The following NOX3 variants were observed in gnomAD, a reference collection of about 807,000 sequenced individuals.
NOX3 encodes NADPH oxidase catalytic subunit-like 3.
A neutral mutation model predicts 76.7 loss-of-function variants in NOX3; 74 were observed. The ratio of observed to expected loss-of-function variants is 0.96; its 90% CI spans 0.80 to 1.17. The LOEUF is 1.17. Among genes scored for constraint, NOX3 ranks in the 50% most tolerant of loss-of-function variants. NOX3 has a pLI of 0.00. For synonymous variants in NOX3, 263 were observed against 261.1 expected (o/e 1.01, Z -0.07); for missense variants, 695 against 703.3 (o/e 0.99, Z 0.13).
intron 9 of NOX3, among the ~76,000 whole-genome samples, chr6:155,427,441 T>C (rs1236378490): frequency 6.6e-6 from 1 of 152,228 alleles, no homozygotes; most frequent in African/African-American, 2.4e-5. Context: ...AGAATCCATA[T>C]TGGCCCCAGG....
chr6:155,416,744 C>CTTTTTTTTTTTTTTTTTTTTTTTTT (rs534711414), intron 10 of NOX3, among the ~76,000 whole-genome samples: 5 of 92,534 alleles, frequency 5.4e-5, no homozygotes, highest in African/African-American at 2.1e-4. Flanking sequence ...CTGAAACATT[C>CTTTTTTTTTTTTTTTTTTTTTTTTT]TTTTTTTTTT....
At chr6:155,449,769 G>A (rs371591863) in intron 4 of NOX3, among the ~76,000 whole-genome samples, 1 of 152,102 alleles carries the variant, frequency 6.6e-6, no homozygotes, top group African/African-American at 2.4e-5. Context: ...CGATGTGGTC[G>A]CACTTTTTCC....
chr6:155,440,315 C>T (rs999002745), intron 5 of NOX3, among the ~76,000 whole-genome samples, 178 bp from the exon 6 acceptor site: 1 of 151,914 alleles, frequency 6.6e-6, no homozygotes, highest in African/African-American at 2.4e-5. Context: ...GCAGGTGCAA[C>T]TCAAGAAGCG....
intron 5 of NOX3, among the ~76,000 whole-genome samples, chr6:155,442,157 AG>A (rs1777001138): frequency 6.6e-6 from 1 of 152,088 alleles, no homozygotes; most frequent in Non-Finnish European, 1.5e-5. Context: ...CCAGCTACTC[AG>A]GAGGCTGAGG....
intron 5 of NOX3, among the ~76,000 whole-genome samples, chr6:155,442,030 C>T (rs75015739): frequency 3.3e-5 from 5 of 152,056 alleles, no homozygotes; most frequent in South Asian, 2.1e-4. Context: ...TTTGGGAGGC[C>T]GAGGTGGGCG....
rs78997501 is a variant in NOX3, at chr6:155,443,569, C to T, written c.341-151G>A. On this transcript the variant is annotated intron_variant, in intron 4 of 13. Transcript: ENST00000159060. ...ATGTATTTACACATCTTTCCCAGTG[C>T]TTTGAGTGGAGTGGATTGAATACTT... 5,932 of 874,450 alleles carry T rather than the reference C, an allele frequency of 6.8e-3. 267 individuals are homozygous for T. In the African/African-American group the frequency reaches 0.091, roughly 13 times the overall value. 54.2% of individuals were successfully genotyped at this position (874,450 alleles called of 1,614,324 possible).
At chr6:155,409,679 G>T (rs901019778) in intron 11 of NOX3, among the ~76,000 whole-genome samples, 1 of 152,024 alleles carries the variant, frequency 6.6e-6, no homozygotes, top group Non-Finnish European at 1.5e-5. Context: ...ATTCTTTCCC[G>T]ACAGAATGCA....
chr6:155,400,920 A>G (rs1405096564), intron 12 of NOX3, among the ~76,000 whole-genome samples: 1 of 152,114 alleles, frequency 6.6e-6, no homozygotes, highest in Non-Finnish European at 1.5e-5. Context: ...TGCATAGATA[A>G]AGTTGCTTAT....
At chr6:155,405,033 CA>C (rs1373124797) in intron 12 of NOX3, among the ~76,000 whole-genome samples, 2 of 151,980 alleles carry the variant, frequency 1.3e-5, no homozygotes, top group African/African-American at 4.8e-5. Flanking sequence ...AAGGAGCAGC[CA>C]AAATGACCAT....
chr6:155,396,374 T>C (rs1438220168), intron 13 of NOX3, among the ~76,000 whole-genome samples: 4 of 152,070 alleles, frequency 2.6e-5, no homozygotes, highest in African/African-American at 9.7e-5. Context: ...TTTGAAATGA[T>C]TTCTAAAGGA....
At chr6:155,413,479 C>G (rs1776580955) in intron 10 of NOX3, among the ~76,000 whole-genome samples, 1 of 151,696 alleles carries the variant, frequency 6.6e-6, no homozygotes, top group South Asian at 2.1e-4. Flanking sequence ...CAGGATCTCT[C>G]TGGCTGCTGT....
At chr6:155,405,041 C>A (rs868051843) in intron 12 of NOX3, among the ~76,000 whole-genome samples, 1 of 152,050 alleles carries the variant, frequency 6.6e-6, no homozygotes, top group South Asian at 2.1e-4. Context: ...GCCAAAATGA[C>A]CATAAGATAA....
intron 9 of NOX3, among the ~76,000 whole-genome samples, chr6:155,427,246 T>C (rs1776770147): frequency 6.6e-6 from 1 of 152,160 alleles, no homozygotes; most frequent in South Asian, 2.1e-4. Flanking sequence ...TCAGGACCAG[T>C]GTCTGAAAGG....
At position 155,431,413 on chromosome 6, in the gene NOX3, AAC is replaced by A. The variant is rs61041630; in HGVS notation, c.799-480_799-479del. Among the ~76,000 whole-genome samples the A allele has an allele frequency of 1.4e-3, 205 of 144,708 alleles. 1 individual carries two copies. Among genetic ancestry groups the A allele is most frequent in the Admixed American group, 2.2e-3 (32 of 14,550 alleles). The allele number at this position is 144,708 out of a possible 152,430, so 94.9% of individuals were successfully genotyped here. Reference sequence around the variant, plus strand: ...CAGGGTCTGCCTGAATAAACACAGAAACACACACACACACACACACACACACA... The same window carrying A: ...CAGGGTCTGCCTGAATAAACACAGAAACACACACACACACACACACACACA... On this transcript the variant is annotated intron_variant, in intron 7 of 13. Transcript: ENST00000159060.
At chr6:155,414,273 G>A (rs541196573) in intron 10 of NOX3, among the ~76,000 whole-genome samples, 1 of 152,252 alleles carries the variant, frequency 6.6e-6, no homozygotes, top group East Asian at 1.9e-4. Context: ...ACTGGGAAGG[G>A]ACATAAGAGT....
intron 10 of NOX3, among the ~76,000 whole-genome samples, chr6:155,413,039 T>C (rs775391527): frequency 1.3e-5 from 2 of 152,230 alleles, no homozygotes; most frequent in African/African-American, 2.4e-5. Flanking sequence ...TTTTGGCCTC[T>C]TGTGTTCACT....
chr6:155,452,181 A>T (rs1229184541), intron 4 of NOX3, among the ~76,000 whole-genome samples: 2 of 152,134 alleles, frequency 1.3e-5, no homozygotes, highest in Admixed American at 6.6e-5. Context: ...CATGATGGGG[A>T]ATTCAGTATT....
chr6:155,433,829 C>T (rs1776866485), intron 7 of NOX3, among the ~76,000 whole-genome samples: 1 of 152,200 alleles, frequency 6.6e-6, no homozygotes, highest in Non-Finnish European at 1.5e-5. Context: ...TCAATTTCCT[C>T]AGCTATTAAA....
chr6:155,412,725 A>G (rs982907236), intron 10 of NOX3, among the ~76,000 whole-genome samples: 2 of 152,152 alleles, frequency 1.3e-5, no homozygotes, highest in African/African-American at 4.8e-5. Flanking sequence ...ACACCCTCTG[A>G]ATCCCCATGA....
Sources: allele counts gnomAD v4.1 joint callset (sites outside exome capture counted in the v4.1 genomes callset), GRCh38; gene constraint gnomAD v4.1.1; transcripts MANE v1.5; gene names NCBI Gene and HGNC (gene_info 2026-07-23, HGNC 2026-07-21).